Variants in LRP1B observed in about 807,000 individuals in gnomAD.
LRP1B encodes the protein low-density lipoprotein receptor-related protein 1B.
LRP1B carries 217 observed loss-of-function variants against 556.6 expected under a neutral mutation model. That is an observed-to-expected ratio of 0.39 (90% CI 0.35 to 0.44). The LOEUF (loss-of-function observed/expected upper bound fraction) is 0.44, where lower values mean the gene tolerates loss of function less well. Among genes scored for constraint, LRP1B ranks in the 20% least tolerant of loss-of-function variants. LRP1B has a pLI of 1.00. For missense variants in LRP1B, 5,053 were observed against 5,620.8 expected (o/e 0.90, Z 3.23); for synonymous variants, 2,047 against 1,865.8 (o/e 1.10, Z -2.50).
intron 7 of LRP1B, among the ~76,000 whole-genome samples, chr2:141,133,413 G>A (rs1701411993): frequency 6.6e-6 from 1 of 151,444 alleles, no homozygotes; most frequent in South Asian, 2.1e-4. Context: ...ACTTGCAACG[G>A]ACATTAAGAT....
intron 11 of LRP1B, among the ~76,000 whole-genome samples, chr2:141,034,617 C>A (rs572528266): frequency 2.0e-5 from 3 of 151,870 alleles, no homozygotes; most frequent in Admixed American, 1.3e-4. Context: ...TGCTCATCAT[C>A]ACTGGCCATC....
intron 1 of LRP1B, among the ~76,000 whole-genome samples, chr2:142,082,595 G>A (rs964924596): frequency 1.3e-5 from 2 of 152,126 alleles, no homozygotes; most frequent in Non-Finnish European, 2.9e-5. Context: ...TGTATCCTTG[G>A]AGTATAGTTG....
intron 6 of LRP1B, among the ~76,000 whole-genome samples, chr2:141,197,565 G>A (rs17527269): frequency 0.39 from 58,956 of 151,758 alleles, 11,925 homozygotes; most frequent in East Asian, 0.71. Context: ...CATCTGCAGT[G>A]TTTCATGGAA....
intron 1 of LRP1B, among the ~76,000 whole-genome samples, chr2:142,030,780 C>T (rs1420308799): frequency 6.6e-6 from 1 of 151,698 alleles, no homozygotes; most frequent in Non-Finnish European, 1.5e-5. Context: ...GTCTTGATGC[C>T]AAGGGCAGCC....
chr2:141,520,613 C>T (rs1339788477), intron 2 of LRP1B, among the ~76,000 whole-genome samples: 3 of 151,974 alleles, frequency 2.0e-5, no homozygotes, highest in Admixed American at 1.3e-4. Flanking sequence ...TCAACTGTGA[C>T]GGCGATGGTA....
intron 41 of LRP1B, among the ~76,000 whole-genome samples, chr2:140,694,929 A>AT (rs1030042038): frequency 2.6e-5 from 4 of 151,314 alleles, no homozygotes; most frequent in African/African-American, 4.9e-5. Context: ...ATTTTAACAA[A>AT]TTTTTTTCTT....
intron 2 of LRP1B, among the ~76,000 whole-genome samples, chr2:141,720,297 T>C (rs1692765987): frequency 6.6e-6 from 1 of 152,132 alleles, no homozygotes; most frequent in African/African-American, 2.4e-5. Context: ...TTTACATAAA[T>C]ACATGGATGT....
chr2:141,689,157 AG>A (rs1230225291), intron 2 of LRP1B, among the ~76,000 whole-genome samples: 2 of 151,890 alleles, frequency 1.3e-5, no homozygotes, highest in African/African-American at 2.4e-5. Flanking sequence ...TTGTCTTTGA[AG>A]TCATATTAGC....
intron 35 of LRP1B, among the ~76,000 whole-genome samples, chr2:140,756,270 C>T (rs777897672): frequency 6.6e-6 from 1 of 152,004 alleles, no homozygotes; most frequent in Non-Finnish European, 1.5e-5. Context: ...TTGTTTTCTA[C>T]AGCTTCCTCA....
rs545535901 is a variant in LRP1B, at chr2:141,462,838, G to A, written c.343+17558C>T. Among the ~76,000 whole-genome samples, 30 of 151,864 alleles carry A rather than the reference G, an allele frequency of 2.0e-4. No individual in the cohort carries two copies. The South Asian group carries it at 5.4e-3, about 27-fold the overall frequency. Reference sequence around the variant, plus strand: ...ATAAAATATTTTAATTGAAAAATAAGTAAATAAGTAATAAAATTTAAAATT... The same window carrying A: ...ATAAAATATTTTAATTGAAAAATAAATAAATAAGTAATAAAATTTAAAATT... On this transcript the variant is annotated intron_variant, in intron 3 of 90. Coordinates refer to ENST00000389484, the MANE Select transcript of LRP1B (RefSeq NM_018557.3).
At chr2:141,489,320 T>C (rs189160961) in intron 2 of LRP1B, among the ~76,000 whole-genome samples, 3 of 151,860 alleles carry the variant, frequency 2.0e-5, no homozygotes, top group East Asian at 3.9e-4. Flanking sequence ...CACACACAGT[T>C]AGATCCATTT....
At chr2:141,911,289 A>G (rs1699901908) in intron 1 of LRP1B, among the ~76,000 whole-genome samples, 1 of 152,214 alleles carries the variant, frequency 6.6e-6, no homozygotes, top group South Asian at 2.1e-4. Context: ...AATACTGTCA[A>G]AACAGTTCAT....
chr2:141,055,023 CATGTT>C lies in LRP1B; in HGVS notation c.1552+88_1552+92del, dbSNP rs1438452043. 6.4e-6 allele frequency: 9 copies of C among 1,399,464 alleles called. No homozygotes were observed. The African/African-American group carries it at 1.3e-4, about 20-fold the overall frequency. 86.7% of individuals were successfully genotyped at this position (1,399,464 alleles called of 1,614,324 possible). A position where few individuals can be genotyped will look rare whatever the true frequency, so the allele number is the denominator to read the frequency against. On this transcript the variant is annotated intron_variant, in intron 10 of 90. Coordinates refer to ENST00000389484, the MANE Select transcript of LRP1B (RefSeq NM_018557.3). Reference sequence around the variant, plus strand: ...AGGCAAACTTCACCTGTTGAAGTCTCATGTTATGACTGATGTTGATGCTGCTAATT... The same window carrying C: ...AGGCAAACTTCACCTGTTGAAGTCTCATGACTGATGTTGATGCTGCTAATT...
At chr2:142,129,578 C>CTCTCTT (rs1319646373) in intron 1 of LRP1B, among the ~76,000 whole-genome samples, 1 of 106,566 alleles carries the variant, frequency 9.4e-6, no homozygotes, top group Non-Finnish European at 1.9e-5. Context: ...GGGTTTCTTT[C>CTCTCTT]TCTCTTTCTC....
At chr2:140,740,565 G>A (rs1688102643) in intron 35 of LRP1B, among the ~76,000 whole-genome samples, 1 of 152,134 alleles carries the variant, frequency 6.6e-6, no homozygotes, top group South Asian at 2.1e-4. Flanking sequence ...AGTGTATACT[G>A]CTCAGGTGAT....
intron 1 of LRP1B, among the ~76,000 whole-genome samples, chr2:141,996,557 A>G (rs1475921861): frequency 6.6e-6 from 1 of 152,230 alleles, no homozygotes; most frequent in Non-Finnish European, 1.5e-5. Context: ...TTTCAGTTAC[A>G]TTATTCCCAT....
intron 3 of LRP1B, among the ~76,000 whole-genome samples, chr2:141,398,208 T>G (rs990672622): frequency 6.6e-6 from 1 of 152,116 alleles, no homozygotes; most frequent in Non-Finnish European, 1.5e-5. Flanking sequence ...ATAAAAAGAA[T>G]GCAAATCAAC....
rs2105707435 is a variant in LRP1B at position 141,810,327 on chromosome 2, C to T, written c.157G>A (p.Asp53Asn). ...VTCVSQSWLC[D>N]GDPDCPDDSD... Reference sequence around the variant, plus strand: ...TCATCAGGGCAGTCAGGGTCCCCATCACACAGCCAGCTCTGGGAGACACAA... The same window carrying T: ...TCATCAGGGCAGTCAGGGTCCCCATTACACAGCCAGCTCTGGGAGACACAA... The change falls in exon 2 of 91, where the codon GAT becomes AAT. Residue 53 changes from aspartate (D) to asparagine (N), a missense_variant. Physicochemically the swap from Asp to Asn is conservative, Grantham distance 23. Coordinates refer to ENST00000389484, the MANE Select transcript of LRP1B (RefSeq NM_018557.3). 6.2e-7 allele frequency: 1 copy of T among 1,613,234 alleles called. No individual in the cohort carries two copies. Among genetic ancestry groups the T allele is most frequent in the Non-Finnish European group, 8.5e-7 (1 of 1,179,528 alleles).
chr2:141,200,138 C>T (rs982834146), intron 6 of LRP1B, among the ~76,000 whole-genome samples: 12 of 151,970 alleles, frequency 7.9e-5, no homozygotes, highest in South Asian at 2.1e-4. Flanking sequence ...TGTTAATTGC[C>T]GAACTATTCA....
Sources: allele counts gnomAD v4.1 joint callset (sites outside exome capture counted in the v4.1 genomes callset), GRCh38; gene constraint gnomAD v4.1.1; transcripts MANE v1.5; gene names NCBI Gene and HGNC (gene_info 2026-07-23, HGNC 2026-07-21).